Variants in FOXP2 observed in about 807,000 individuals in gnomAD.
The protein encoded by FOXP2 is forkhead box P2.
In FOXP2, 12 loss-of-function variants were observed where a neutral mutation model predicts 115.8. The ratio of observed to expected loss-of-function variants is 0.10; its 90% CI spans 0.07 to 0.17. FOXP2 has a LOEUF of 0.17. Ranked by LOEUF, FOXP2 falls within the 10% of genes least tolerant of loss-of-function variation. The pLI is 1.00. For synonymous variants in FOXP2, 328 were observed against 297.7 expected, an observed-to-expected ratio of 1.10 and a Z score of -1.05; for missense variants, 629 against 843.5, an observed-to-expected ratio of 0.75 and a Z score of 3.15.
At chr7:114,391,162 T>C (rs1792590387) in intron 2 of FOXP2, among the ~76,000 whole-genome samples, 1 of 151,166 alleles carries the variant, frequency 6.6e-6, no homozygotes, top group African/African-American at 2.4e-5. Context: ...ACTCCAGCCT[T>C]GGCGACAAGA....
chr7:114,236,320 CTGTT>C (rs1369658286), intron 1 of FOXP2, among the ~76,000 whole-genome samples: 2 of 152,176 alleles, frequency 1.3e-5, no homozygotes, highest in East Asian at 1.9e-4. Context: ...TATTTTCAGG[CTGTT>C]TGTATTATAT....
chr7:114,169,787 G>A (rs571985939), intron 1 of FOXP2, among the ~76,000 whole-genome samples: 6 of 152,196 alleles, frequency 3.9e-5, no homozygotes, highest in South Asian at 4.1e-4. Flanking sequence ...GGAGGGACCC[G>A]GTGGGAGATA....
chr7:114,176,294 TTCTTTC>T (rs763631476), intron 1 of FOXP2, among the ~76,000 whole-genome samples: 10,997 of 49,316 alleles, frequency 0.22, 667 homozygotes, highest in Non-Finnish European at 0.33. Context: ...CTTTCTTTCT[TTCTTTC>T]TCTCTCTCTC....
intron 2 of FOXP2, among the ~76,000 whole-genome samples, chr7:114,502,809 A>G (rs988598237): frequency 5.3e-5 from 8 of 152,052 alleles, no homozygotes; most frequent in Admixed American, 5.2e-4. Context: ...TTCTGTTTAC[A>G]GTGGCAGAAA....
chr7:114,272,718 G>A (rs1796097008), intron 1 of FOXP2, among the ~76,000 whole-genome samples: 1 of 151,684 alleles, frequency 6.6e-6, no homozygotes, highest in African/African-American at 2.4e-5. Context: ...TTAAGTTTCT[G>A]GGCATAGAAT....
At chr7:114,282,739 T>A (rs1335155267) in intron 1 of FOXP2, among the ~76,000 whole-genome samples, 5 of 152,174 alleles carry the variant, frequency 3.3e-5, no homozygotes. Context: ...ATGGTAATTA[T>A]AATGGGCACT....
intron 16 of FOXP2, among the ~76,000 whole-genome samples, chr7:114,671,808 A>G (rs531441983): frequency 2.0e-5 from 3 of 152,264 alleles, no homozygotes; most frequent in Non-Finnish European, 2.9e-5. Context: ...CATAAAGTCA[A>G]CTGTTATTTC....
chr7:114,215,890 A>G (rs1221674556), intron 1 of FOXP2, among the ~76,000 whole-genome samples: 1 of 152,204 alleles, frequency 6.6e-6, no homozygotes, highest in African/African-American at 2.4e-5. Flanking sequence ...AGAGTTCAAA[A>G]TAACTGTTTT....
chr7:114,345,671 G>T (rs1791329591), intron 2 of FOXP2, among the ~76,000 whole-genome samples: 1 of 151,630 alleles, frequency 6.6e-6, no homozygotes, highest in Admixed American at 6.6e-5. Flanking sequence ...AGGGCTTAGG[G>T]AGTGAAATAT....
intron 1 of FOXP2, among the ~76,000 whole-genome samples, chr7:114,238,786 A>G (rs1399515644): frequency 1.3e-5 from 2 of 151,954 alleles, no homozygotes; most frequent in Admixed American, 6.6e-5. Flanking sequence ...AAAAACCAAA[A>G]AAACAAAAAA....
intron 1 of FOXP2, among the ~76,000 whole-genome samples, chr7:114,251,745 T>C (rs190320841): frequency 2.3e-3 from 357 of 152,310 alleles, no homozygotes; most frequent in Middle Eastern, 0.01. Flanking sequence ...ACAGGGACAA[T>C]TTGACTTCTC....
intron 2 of FOXP2, among the ~76,000 whole-genome samples, chr7:114,338,656 C>T (rs1287808555): frequency 3.3e-5 from 5 of 150,252 alleles, no homozygotes; most frequent in Non-Finnish European, 7.5e-5. Context: ...ATTTGCAGAG[C>T]ATAAGAAAGG....
At chr7:114,302,934 C>T (rs556361658) in intron 2 of FOXP2, among the ~76,000 whole-genome samples, 3 of 152,064 alleles carry the variant, frequency 2.0e-5, no homozygotes, top group South Asian at 2.1e-4. Flanking sequence ...TGAATTCTGC[C>T]GACAATCAAG....
In FOXP2 at chr7:114,444,459, A is replaced by T. The variant is rs552700632; in HGVS notation, c.168+17780A>T. Among the ~76,000 whole-genome samples, 59 of 152,278 alleles carry T rather than the reference A, an allele frequency of 3.9e-4. 1 individual carries two copies. In the South Asian group the frequency reaches 0.012, roughly 30 times the overall value. ...GTGATTTTTATAGCACTTGGTTGTA[A>T]AGCCTCACTCTTAGTTTTCTGCTAA... On this transcript the variant is annotated intron_variant, in intron 2 of 16. Coordinates refer to ENST00000350908, the MANE Select transcript of FOXP2 (RefSeq NM_014491.4).
intron 1 of FOXP2, among the ~76,000 whole-genome samples, chr7:114,218,870 C>T (rs992893263): frequency 2.6e-5 from 4 of 152,068 alleles, no homozygotes; most frequent in Admixed American, 6.6e-5. Context: ...TATGCAATTA[C>T]GTATTATTAT....
intron 2 of FOXP2, among the ~76,000 whole-genome samples, chr7:114,494,254 C>A (rs1484668765): frequency 6.6e-6 from 1 of 152,090 alleles, no homozygotes; most frequent in Non-Finnish European, 1.5e-5. Context: ...AAAGAAACTG[C>A]CTTGAAATTA....
At chr7:114,618,527 G>A (rs890272127) in intron 3 of FOXP2, among the ~76,000 whole-genome samples, 1 of 152,044 alleles carries the variant, frequency 6.6e-6, no homozygotes, top group South Asian at 2.1e-4. Context: ...GATTTAACAA[G>A]GACATACTTC....
At chr7:114,302,845 A>G (rs1298140899) in intron 2 of FOXP2, among the ~76,000 whole-genome samples, 1 of 152,194 alleles carries the variant, frequency 6.6e-6, no homozygotes, top group African/African-American at 2.4e-5. Context: ...GGAACTGTCA[A>G]CAGCCTCTCA....
intron 2 of FOXP2, among the ~76,000 whole-genome samples, chr7:114,460,571 A>G (rs769761526): frequency 3.3e-5 from 5 of 152,220 alleles, no homozygotes; most frequent in Admixed American, 1.3e-4. Flanking sequence ...AACTTTTCAT[A>G]TACTAATTAT....
Sources: allele counts gnomAD v4.1 joint callset (sites outside exome capture counted in the v4.1 genomes callset), GRCh38; gene constraint gnomAD v4.1.1; transcripts MANE v1.5; gene names NCBI Gene and HGNC (gene_info 2026-07-23, HGNC 2026-07-21).